ABCA3: variants seen among roughly 807,000 people sequenced by gnomAD.
The protein encoded by ABCA3 is ATP binding cassette subfamily A member 3.
A neutral mutation model predicts 172.8 loss-of-function variants in ABCA3; 88 were observed. That is an observed-to-expected ratio of 0.51 (90% CI 0.43 to 0.61). ABCA3 has a LOEUF of 0.61. Ranked by LOEUF, ABCA3 falls within the 20% of genes least tolerant of loss-of-function variation. The pLI, the probability that ABCA3 is intolerant of heterozygous loss-of-function variation, is 0.00. For missense variants in ABCA3, 2,164 were observed against 2,301.0 expected (o/e 0.94, Z 1.22); for synonymous variants, 1,066 against 983.8 (o/e 1.08, Z -1.56).
chr16:2,317,569 A>G (rs929760139), intron 9 of ABCA3, 79 bp downstream of exon 9: 3 of 1,589,586 alleles, frequency 1.9e-6, no homozygotes, highest in Non-Finnish European at 1.7e-6. Context: ...TCTGACCACA[A>G]AGTTCTTCCC....
At chr16:2,295,451 C>T in intron 18 of ABCA3, 139 bp downstream of exon 18, 2 of 1,320,334 alleles carry the variant, frequency 1.5e-6, no homozygotes, top group Non-Finnish European at 2.2e-6. Context: ...GCTGATGGTG[C>T]CCAGGCTGAG....
intron 13 of ABCA3, 83 bp from the exon 14 acceptor site, chr16:2,299,615 C>G: frequency 6.3e-7 from 1 of 1,596,176 alleles, no homozygotes; most frequent in South Asian, 1.1e-5. Flanking sequence ...CCTGCCCGAC[C>G]GTCTCAGAAG....
At chr16:2,338,396 A>G (rs186907787) in intron 1 of ABCA3, among the ~76,000 whole-genome samples, 17 of 152,306 alleles carry the variant, frequency 1.1e-4, no homozygotes, top group African/African-American at 4.1e-4. Flanking sequence ...CACTTCTAGT[A>G]CCATGGCCTC....
chr16:2,285,583 C>G lies in ABCA3; in HGVS notation c.3342G>C (p.Thr1114=), dbSNP rs1355266137. ...LLFAMAFLAS[T]FSILAVSERA... The stretch of plus-strand genomic sequence containing the variant: ...TCTCGCTGACCGCCAGGATGGAGAA[C>G]GTGCTGGCCAAGAATGCCATGGCGA... Residue 1114 remains threonine (T), a synonymous_variant, in exon 23 of 33, where the codon ACG becomes ACC. Coordinates refer to ENST00000301732, the MANE Select transcript of ABCA3 (RefSeq NM_001089.3). This position sits in a 1 kb window ranked among gnomAD's most constrained non-coding sequence, Gnocchi z 4.7. 1.9e-6 allele frequency: 3 copies of G among 1,566,602 alleles called. No individual in the cohort carries two copies. The South Asian group carries it at 3.5e-5, about 18-fold the overall frequency.
chr16:2,294,232 TG>T (rs2093676508), intron 18 of ABCA3, among the ~76,000 whole-genome samples: 1 of 151,664 alleles, frequency 6.6e-6, no homozygotes, highest in South Asian at 2.1e-4. Context: ...TTCACCGTGT[TG>T]GCCAGGATGG....
chr16:2,319,770 A>T lies in ABCA3; in HGVS notation c.684T>A (p.Asp228Glu). The T allele has an allele frequency of 6.2e-7, 1 of 1,613,984 alleles. No homozygotes were observed. Among genetic ancestry groups the T allele is most frequent in the Non-Finnish European group, 8.5e-7 (1 of 1,180,014 alleles). The change falls in exon 8 of 33, where the codon GAT (aspartate) becomes GAA (glutamate). Residue 228 changes from aspartate (D) to glutamate (E), a missense_variant. Physicochemically the swap from Asp to Glu is conservative, Grantham distance 45. Around this residue, in one of 3 missense-constraint regions of ABCA3, gnomAD observed 1,343 missense variants for 1,369.6 expected, o/e 0.98. Transcript: ENST00000301732. Reference sequence around the variant, plus strand: ...TCTGGAACAGCTGGCGTGTGGCGGCATCGGCATGGTACTCCATGATGGCCC... The same window carrying T: ...TCTGGAACAGCTGGCGTGTGGCGGCTTCGGCATGGTACTCCATGATGGCCC... ...VDRAIMEYHA[D>E]AATRQLFQRL...
At chr16:2,280,376 G>A (rs1310146729) in intron 28 of ABCA3, among the ~76,000 whole-genome samples, 1 of 152,220 alleles carries the variant, frequency 6.6e-6, no homozygotes, top group Admixed American at 6.5e-5. Flanking sequence ...TTTGTTTGCT[G>A]TGCATTGCCT....
intron 10 of ABCA3, among the ~76,000 whole-genome samples, chr16:2,311,772 G>A (rs567771836): frequency 2.0e-5 from 3 of 152,082 alleles, no homozygotes; most frequent in African/African-American, 7.2e-5. Context: ...CACCCACCTC[G>A]GCCTCCCAAA....
rs1596834962 is a variant in ABCA3, at chr16:2,287,028, C to T, written c.3005-61G>A. 7.0e-6 allele frequency: 11 copies of T among 1,569,830 alleles called. No individual in the cohort carries two copies. Among genetic ancestry groups the T allele is most frequent in the African/African-American group, 1.3e-5 (1 of 74,096 alleles). On this transcript the variant is annotated intron_variant, in intron 21 of 32. Coordinates refer to ENST00000301732, the MANE Select transcript of ABCA3 (RefSeq NM_001089.3). This position sits in a 1 kb window ranked among gnomAD's most constrained non-coding sequence, Gnocchi z 4.1. ...GAGGTGACACCTGGGCACCCCCTGC[C>T]ACCTGAGCATGGCTAATCAGGGACC...
chr16:2,283,240 G>T lies in ABCA3; in HGVS notation c.3981C>A (p.Asn1327Lys). 1 of 1,613,484 alleles carries T rather than the reference G, an allele frequency of 6.2e-7. No homozygotes were observed. Among genetic ancestry groups the T allele is most frequent in the Non-Finnish European group, 8.5e-7 (1 of 1,179,998 alleles). ...GGATGCCCCTGAGTCTCTGAAGCAGGTTGGTCTCGATGAGGAAGAGCAGGA... is the reference window on the plus strand; with the variant it reads ...GGATGCCCCTGAGTCTCTGAAGCAGTTTGGTCTCGATGAGGAAGAGCAGGA... ...YLILLFLIET[N>K]LLQRLRGILC... Residue 1327 changes from asparagine to lysine, a missense_variant, in exon 26 of 33, where the codon AAC (asparagine) becomes AAA (lysine). Transcript: ENST00000301732. This position sits in a 1 kb window ranked among gnomAD's most constrained non-coding sequence, Gnocchi z 5.4.
Position 2,325,873 on chromosome 16 carries a change from G to A in ABCA3, c.319+137C>T, listed in dbSNP as rs537259421. 1.8e-5 allele frequency: 22 copies of A among 1,194,608 alleles called. No homozygotes were observed. The South Asian group carries it at 2.3e-4, about 12-fold the overall frequency. The allele number at this position is 1,194,608 out of a possible 1,614,324, so 74.0% of individuals were successfully genotyped here. ...CTTTTACAGGTTGAAGTAGTGATGC[G>A]GGAAGAAGCAGAGGCCAAGTCTGCA... On this transcript the variant is annotated intron_variant, in intron 5 of 32. Coordinates refer to ENST00000301732, the MANE Select transcript of ABCA3 (RefSeq NM_001089.3).
rs1010773791 is a variant in ABCA3 at position 2,287,674 on chromosome 16, A to G, written c.3004+352T>C. On this transcript the variant is annotated intron_variant, in intron 21 of 32. Transcript: ENST00000301732. This position sits in a 1 kb window ranked among gnomAD's most constrained non-coding sequence, Gnocchi z 4.1. Reference sequence around the variant, plus strand: ...CACAAAGCAAAGGTAACTTGAAGTCACTATGCTTCTGCATTTTGCCCATGA... The same window carrying G: ...CACAAAGCAAAGGTAACTTGAAGTCGCTATGCTTCTGCATTTTGCCCATGA... 6.6e-6 allele frequency among the ~76,000 whole-genome samples: 1 copy of G among 152,232 alleles called. No homozygotes were observed. Among genetic ancestry groups the G allele is most frequent in the Non-Finnish European group, 1.5e-5 (1 of 68,040 alleles).
chr16:2,283,115 A>C lies in ABCA3; in HGVS notation c.4035+71T>G. On this transcript the variant is annotated intron_variant, in intron 26 of 32. Transcript: ENST00000301732. This position sits in a 1 kb window ranked among gnomAD's most constrained non-coding sequence, Gnocchi z 5.4. ...GTGGAGAAGGAGGTGGAGCTGCCCCAGGTTGTGCTGGGCCCAAGCAGAGAC... is the reference window on the plus strand; with the variant it reads ...GTGGAGAAGGAGGTGGAGCTGCCCCCGGTTGTGCTGGGCCCAAGCAGAGAC... 6.6e-7 allele frequency: 1 copy of C among 1,507,642 alleles called. No homozygotes were observed. The highest frequency in any genetic ancestry group is 1.4e-5 in the African/African-American group (1 of 72,676). 93.4% of individuals were successfully genotyped at this position (1,507,642 alleles called of 1,614,324 possible).
intron 1 of ABCA3, among the ~76,000 whole-genome samples, chr16:2,339,766 CCT>C (rs977458672): frequency 6.6e-6 from 1 of 152,270 alleles, no homozygotes; most frequent in East Asian, 1.9e-4. Flanking sequence ...GCAATTACCC[CCT>C]GAGGACATGG....
In ABCA3 at chr16:2,299,493, C is replaced by A. The variant is rs761783609; in HGVS notation, c.1651G>T (p.Asp551Tyr). 8 of 1,613,812 alleles carry A rather than the reference C, an allele frequency of 5.0e-6. No individual in the cohort carries two copies. In the Admixed American group the frequency reaches 1.0e-4, roughly 20 times the overall value. ...VGNKDRAAVR[D>Y]LNLNLYEGQI... ...CCCTCGTACAGGTTGAGGTTCAGGTCTCTGACGGCCGCCCTGTCCTTATTT... is the reference window on the plus strand; with the variant it reads ...CCCTCGTACAGGTTGAGGTTCAGGTATCTGACGGCCGCCCTGTCCTTATTT... The change falls in exon 14 of 33, where the codon GAC becomes TAC. Residue 551 changes from aspartate to tyrosine, a missense_variant. Physicochemically the swap from Asp to Tyr is radical, Grantham distance 160. Transcript: ENST00000301732.
At chr16:2,288,771 C>T (rs1182549450) in intron 20 of ABCA3, among the ~76,000 whole-genome samples, 2 of 152,210 alleles carry the variant, frequency 1.3e-5, no homozygotes, top group East Asian at 3.9e-4. Flanking sequence ...GTCTTGAACT[C>T]CTGACCTCAA....
At chr16:2,298,310 G>C in intron 15 of ABCA3, 76 bp downstream of exon 15, 1 of 1,596,728 alleles carries the variant, frequency 6.3e-7, no homozygotes, top group Non-Finnish European at 8.6e-7. Flanking sequence ...CTCCAGTTTA[G>C]CTCCTCGGAA....
In ABCA3 at chr16:2,299,455, G is replaced by A. The variant is rs983630147; in HGVS notation, c.1689C>T (p.Val563=). The change falls in exon 14 of 33, where the codon GTC becomes GTT. Residue 563 remains valine, a synonymous_variant. Transcript: ENST00000301732. ...NLNLYEGQIT[V]LLGHNGAGKT... is the part of the protein sequence containing the mutation. ...TCCCGGCACCGTTGTGGCCCAGCAG[G>A]ACGGTGATCTGTCCCTCGTACAGGT... is the stretch of plus-strand genomic sequence containing the variant. 4 of 1,613,926 alleles carry A rather than the reference G, an allele frequency of 2.5e-6. No individual in the cohort carries two copies. The Admixed American group carries it at 5.0e-5, about 20-fold the overall frequency.
At chr16:2,302,677 G>A (rs1039212863) in intron 12 of ABCA3, among the ~76,000 whole-genome samples, 4 of 151,930 alleles carry the variant, frequency 2.6e-5, no homozygotes, top group Non-Finnish European at 4.4e-5. Context: ...TAGAGATGGG[G>A]TTGCACTATG....
Sources: gnomAD v4.1 joint callset for allele counts (sites outside exome capture counted in the v4.1 genomes callset) on GRCh38, gnomAD v4.1.1 for gene constraint, gnomAD v4.1.1 regional missense constraint, Gnocchi (gnomAD v3.1) non-coding constraint, MANE v1.5 for transcripts, NCBI Gene and HGNC (gene_info 2026-07-23, HGNC 2026-07-21) for gene names.